SAMD5: variants seen among roughly 807,000 people sequenced by gnomAD.
SAMD5 encodes sterile alpha motif domain-containing protein 5.
Under a neutral mutation model 11.3 loss-of-function variants are expected in SAMD5, and 13 were observed. That is an observed-to-expected ratio of 1.15 (90% CI 0.75 to 1.83). The LOEUF is 1.83. SAMD5 is among the 40% of genes most tolerant of loss of function. The pLI is 0.00. For missense variants in SAMD5, 255 were observed against 239.1 expected, an observed-to-expected ratio of 1.07 and a Z score of -0.44; for synonymous variants, 129 against 111.3, an observed-to-expected ratio of 1.16 and a Z score of -1.00.
Position 147,567,983 on chromosome 6 carries a change from G to A in SAMD5, c.*3527G>A. The A allele has an allele frequency of 8.1e-6, 8 of 985,578 alleles. No homozygotes were observed. The highest frequency in any genetic ancestry group is 9.6e-6 in the Non-Finnish European group (8 of 830,096). 61.1% of individuals were successfully genotyped at this position (985,578 alleles called of 1,614,324 possible). A position where few individuals can be genotyped will look rare whatever the true frequency, so the allele number is the denominator to read the frequency against. ...AAGGCCAGCAGTTTTCAAGTCTGGG[G>A]AAATAGGCACATGGACAGATTATAT... On this transcript the variant is annotated 3_prime_UTR_variant, in exon 2 of 2. Transcript: ENST00000367474.
the SAMD5 span, among the ~76,000 whole-genome samples, chr6:147,827,727 C>CGAAT: frequency 6.6e-6 from 1 of 152,116 alleles, no homozygotes; most frequent in South Asian, 2.1e-4. Context: ...AAATGCTTCC[C>CGAAT]GAATATAGGA....
At chr6:147,769,790 A>C in the SAMD5 span, among the ~76,000 whole-genome samples, 1 of 152,204 alleles carries the variant, frequency 6.6e-6, no homozygotes, top group African/African-American at 2.4e-5. Context: ...ATACTTGGCC[A>C]GACATGTCTG....
the SAMD5 span, among the ~76,000 whole-genome samples, chr6:147,911,941 A>T: frequency 6.6e-6 from 1 of 152,142 alleles, no homozygotes; most frequent in East Asian, 1.9e-4. Context: ...ACTAGACCAT[A>T]TGTCTCTAGC....
the SAMD5 span, among the ~76,000 whole-genome samples, chr6:147,809,986 T>G: frequency 6.6e-6 from 1 of 152,226 alleles, no homozygotes; most frequent in Non-Finnish European, 1.5e-5. Flanking sequence ...CTCTAGCATT[T>G]ACTTAGTAAA....
the SAMD5 span, among the ~76,000 whole-genome samples, chr6:147,840,439 G>T: frequency 6.6e-6 from 1 of 152,184 alleles, no homozygotes; most frequent in African/African-American, 2.4e-5. Flanking sequence ...GTTCTTTAGG[G>T]ATTTATCTGT....
chr6:147,909,560 TTTTCTTTCTTTCTTTCTTTCTTTC>T, the SAMD5 span, among the ~76,000 whole-genome samples: 17 of 78,930 alleles, frequency 2.2e-4, no homozygotes, highest in Admixed American at 7.0e-4. Context: ...CATCCATCTT[TTTTCTTTCTTTCTTTCTTTCTTTC>T]TTTCTTTCTT....
chr6:147,892,939 G>T, the SAMD5 span, among the ~76,000 whole-genome samples: 1 of 152,204 alleles, frequency 6.6e-6, no homozygotes, highest in Non-Finnish European at 1.5e-5. Flanking sequence ...TGGGCCAGGT[G>T]TGGTGGCTCA....
At chr6:147,824,044 A>G in the SAMD5 span, among the ~76,000 whole-genome samples, 1 of 152,202 alleles carries the variant, frequency 6.6e-6, no homozygotes, top group Admixed American at 6.5e-5. Flanking sequence ...CAAAGCAGAG[A>G]TGGAGGAAAA....
chr6:147,935,557 C>G, the SAMD5 span, among the ~76,000 whole-genome samples: 27 of 152,236 alleles, frequency 1.8e-4, no homozygotes, highest in Middle Eastern at 3.4e-3. Flanking sequence ...CCTCTTGGTA[C>G]TATGTCTATT....
At chr6:147,698,577 A>G (rs142800017) in intron 1 of SAMD5, among the ~76,000 whole-genome samples, 25 of 152,244 alleles carry the variant, frequency 1.6e-4, no homozygotes, top group Admixed American at 1.6e-3. Flanking sequence ...ATGAATTGCT[A>G]TAGAGTAGTC....
the SAMD5 span, among the ~76,000 whole-genome samples, chr6:147,781,772 G>GCACACACA: frequency 6.8e-6 from 1 of 146,270 alleles, no homozygotes; most frequent in African/African-American, 2.5e-5. Context: ...ATTTGTGTGC[G>GCACACACA]CACACACACA....
chr6:147,854,554 G>C, the SAMD5 span, among the ~76,000 whole-genome samples: 1 of 152,156 alleles, frequency 6.6e-6, no homozygotes, highest in Non-Finnish European at 1.5e-5. Context: ...TTGCTCTATT[G>C]TACCTTGGAT....
chr6:147,530,159 C>A (rs1472976818), intron 1 of SAMD5, among the ~76,000 whole-genome samples: 1 of 152,198 alleles, frequency 6.6e-6, no homozygotes, highest in Admixed American at 6.5e-5. Flanking sequence ...GGTTTCGCTG[C>A]AGAAAGGACA....
intron 1 of SAMD5, among the ~76,000 whole-genome samples, chr6:147,564,124 C>T: frequency 6.6e-6 from 1 of 151,956 alleles, no homozygotes; most frequent in Non-Finnish European, 1.5e-5. Context: ...AAGTTTCCAC[C>T]TCTTAGAAGG....
chr6:147,571,221 T>TA (rs779396165), downstream of SAMD5, among the ~76,000 whole-genome samples: 10 of 152,168 alleles, frequency 6.6e-5, no homozygotes, highest in Non-Finnish European at 1.5e-4. Context: ...TGGACAGCCC[T>TA]AAAATGTACT....
At chr6:147,841,100 C>T in the SAMD5 span, among the ~76,000 whole-genome samples, 1 of 152,180 alleles carries the variant, frequency 6.6e-6, no homozygotes, top group Non-Finnish European at 1.5e-5. Context: ...ATAGCTACTC[C>T]TCATCAGAAT....
At chr6:147,877,059 C>T in the SAMD5 span, among the ~76,000 whole-genome samples, 2 of 148,234 alleles carry the variant, frequency 1.3e-5, no homozygotes. Context: ...TTCTTTTTTC[C>T]CAACAAACCC....
rs184025034 is a variant in SAMD5 at position 147,733,358 on chromosome 6, T to G, written c.163-3959T>G. Among the ~76,000 whole-genome samples, 64 of 152,368 alleles carry G rather than the reference T, an allele frequency of 4.2e-4. No homozygotes were observed. In the East Asian group the frequency reaches 9.1e-3, roughly 22 times the overall value. ...TTTATAGTTTATTAATAGCAGTTTT[T>G]GGTTCTTTTACCTTTTTCTTTCCTG... On this transcript the variant is annotated intron_variant, in intron 1 of 1. Coordinates refer to the SAMD5 transcript ENST00000566741.
intron 1 of SAMD5, among the ~76,000 whole-genome samples, chr6:147,625,553 A>T (rs909364288): frequency 6.6e-6 from 1 of 152,176 alleles, no homozygotes; most frequent in Non-Finnish European, 1.5e-5. Flanking sequence ...AGATATAAGG[A>T]TATATTAAGA....
Sources: allele counts gnomAD v4.1 joint callset (sites outside exome capture counted in the v4.1 genomes callset), GRCh38; gene constraint gnomAD v4.1.1; transcripts MANE v1.5; gene names NCBI Gene and HGNC (gene_info 2026-07-23, HGNC 2026-07-21).